The following TDRD9 variants were observed in gnomAD, a reference collection of about 807,000 sequenced individuals.
The protein encoded by TDRD9 is tudor domain containing 9.
Under a neutral mutation model 172.6 loss-of-function variants are expected in TDRD9, and 124 were observed. That is an observed-to-expected ratio of 0.72 (90% CI 0.62 to 0.83). TDRD9 has a LOEUF of 0.83. Among genes scored for constraint, TDRD9 ranks in the 40% least tolerant of loss-of-function variants. TDRD9 has a pLI of 0.00. For missense variants in TDRD9, 1,479 were observed against 1,714.1 expected, an observed-to-expected ratio of 0.86 and a Z score of 2.42; for synonymous variants, 619 against 617.1, an observed-to-expected ratio of 1.00 and a Z score of -0.05.
At chr14:104,037,063 A>C (rs1235628156) in intron 32 of TDRD9, among the ~76,000 whole-genome samples, 1 of 151,930 alleles carries the variant, frequency 6.6e-6, no homozygotes, top group Non-Finnish European at 1.5e-5. Context: ...AGTGAGTAAC[A>C]ACTGTTTTTG....
At chr14:104,012,281 C>A (rs1278287006) in intron 20 of TDRD9, among the ~76,000 whole-genome samples, 1 of 152,222 alleles carries the variant, frequency 6.6e-6, no homozygotes, top group Non-Finnish European at 1.5e-5. Flanking sequence ...GGGTAAGAGT[C>A]CCTGGAGGCT....
intron 1 of TDRD9, among the ~76,000 whole-genome samples, chr14:103,938,736 C>A (rs1334660753): frequency 6.6e-6 from 1 of 151,900 alleles, no homozygotes; most frequent in African/African-American, 2.4e-5. Context: ...CGTGCCCGGC[C>A]CCCCTTTATA....
At chr14:103,976,796 G>C (rs1282797047) in intron 7 of TDRD9, among the ~76,000 whole-genome samples, 1 of 152,158 alleles carries the variant, frequency 6.6e-6, no homozygotes, top group East Asian at 1.9e-4. Context: ...CCTACCAACA[G>C]TATACAAGAG....
At chr14:103,961,198 A>G (rs2032492166) in intron 2 of TDRD9, among the ~76,000 whole-genome samples, 1 of 152,222 alleles carries the variant, frequency 6.6e-6, no homozygotes, top group African/African-American at 2.4e-5. Flanking sequence ...CACTGAGAAG[A>G]GGAATGGAAG....
chr14:104,013,368 C>T (rs2034674249), intron 20 of TDRD9, among the ~76,000 whole-genome samples: 1 of 152,108 alleles, frequency 6.6e-6, no homozygotes, highest in Admixed American at 6.6e-5. Context: ...CCATAGGTCA[C>T]TTACTTTGTT....
chr14:104,012,772 C>T (rs1015720904), intron 20 of TDRD9, among the ~76,000 whole-genome samples: 1 of 152,054 alleles, frequency 6.6e-6, no homozygotes, highest in African/African-American at 2.4e-5. Flanking sequence ...GGGTCTTTGT[C>T]TCCCAGACTG....
At chr14:104,041,519 A>C (rs1446835740) in intron 33 of TDRD9, among the ~76,000 whole-genome samples, 7 of 152,240 alleles carry the variant, frequency 4.6e-5, no homozygotes, top group African/African-American at 1.7e-4. Context: ...GGCACTCTTA[A>C]AACTCAATTA....
chr14:104,028,066 A>G (rs1364383512), intron 28 of TDRD9, among the ~76,000 whole-genome samples: 3 of 152,168 alleles, frequency 2.0e-5, no homozygotes, highest in Non-Finnish European at 4.4e-5. Context: ...TATTCTGTAT[A>G]TACTGCATTT....
At chr14:103,984,551 T>C (rs552168596) in intron 7 of TDRD9, among the ~76,000 whole-genome samples, 1 of 152,292 alleles carries the variant, frequency 6.6e-6, no homozygotes, top group Admixed American at 6.5e-5. Context: ...AAGTCAAGAA[T>C]TGGGGTTTGG....
At position 104,022,189 on chromosome 14, in the gene TDRD9, A is replaced by T. The variant is rs1232948435; in HGVS notation, c.2465A>T (p.Glu822Val). The change falls in exon 24 of 36, where the codon GAG becomes GTG. Residue 822 changes from glutamate to valine, a missense_variant. By Grantham distance (121) the Glu-to-Val change is moderately radical. Transcript: ENST00000409874. ...GTGGAATTCTCACGAAATCCAACAG[A>T]GAGATTTAAAACCCTTCCTGCAGTA... ...AFVEFSRNPT[E>V]RFKTLPAVYM... is the part of the protein sequence containing the mutation. 7.7e-6 allele frequency: 12 copies of T among 1,565,690 alleles called. No homozygotes were observed. Among genetic ancestry groups the T allele is most frequent in the Non-Finnish European group, 1.0e-5 (12 of 1,154,986 alleles).
At chr14:103,941,610 G>A in intron 1 of TDRD9, 1 of 1,535,212 alleles carries the variant, frequency 6.5e-7, no homozygotes, top group South Asian at 1.2e-5. Context: ...CCGAAGCAGA[G>A]TCTTTGTCAC....
chr14:103,942,695 A>G (rs2031310758), intron 1 of TDRD9, among the ~76,000 whole-genome samples: 1 of 152,192 alleles, frequency 6.6e-6, no homozygotes. Flanking sequence ...AAACAGGAAA[A>G]ATAGATTAGA....
rs1555362802 is a variant in TDRD9, at chr14:103,939,744, T to TTTTTTG, written c.215+11025_215+11026insGTTTTT. The TTTTTTG allele has an allele frequency of 2.5e-3, 26 of 10,582 alleles. 1 individual carries two copies. Among genetic ancestry groups the TTTTTTG allele is most frequent in the Non-Finnish European group, 4.8e-3 (18 of 3,726 alleles). The allele number at this position is 10,582 out of a possible 1,614,324, so 0.7% of individuals were successfully genotyped here. On this transcript the variant is annotated intron_variant, in intron 1 of 35. Coordinates refer to ENST00000409874, the MANE Select transcript of TDRD9 (RefSeq NM_153046.3). Reference sequence around the variant, plus strand: ...GTTCTAGTCTTTTTGAAAAAAAGTGTTTTTTTTTTTTTTTTTTTTTGAGAC... The same window carrying TTTTTTG: ...GTTCTAGTCTTTTTGAAAAAAAGTGTTTTTTGTTTTTTTTTTTTTTTTTTTTGAGAC...
intron 34 of TDRD9, 88 bp downstream of exon 34, chr14:104,042,275 A>C: frequency 1.1e-6 from 1 of 879,436 alleles, no homozygotes; most frequent in East Asian, 2.6e-5. Flanking sequence ...TGTGTAGGCA[A>C]TGTGACATAT....
intron 12 of TDRD9, 42 bp downstream of exon 12, chr14:103,995,849 G>A (rs1215903036): frequency 6.5e-7 from 1 of 1,540,984 alleles, no homozygotes; most frequent in Non-Finnish European, 8.8e-7. Context: ...TAGCTGTAGT[G>A]CCATATTTAT....
intron 2 of TDRD9, among the ~76,000 whole-genome samples, chr14:103,959,206 A>G (rs892025242): frequency 6.6e-6 from 1 of 152,116 alleles, no homozygotes; most frequent in Non-Finnish European, 1.5e-5. Flanking sequence ...CCGGACAGGA[A>G]TTGGTGATGC....
chr14:103,981,119 C>G (rs2033458061), intron 7 of TDRD9, among the ~76,000 whole-genome samples: 1 of 152,124 alleles, frequency 6.6e-6, no homozygotes. Context: ...ACCTGGGTGG[C>G]TTGCCGCCCA....
intron 35 of TDRD9, chr14:104,050,039 C>G: frequency 5.1e-6 from 1 of 196,744 alleles, no homozygotes; most frequent in South Asian, 1.3e-4. Flanking sequence ...TCGGGCTGTA[C>G]TGGTTGTTGT....
intron 8 of TDRD9, among the ~76,000 whole-genome samples, chr14:103,988,564 T>G (rs1275012304): frequency 6.6e-6 from 1 of 152,214 alleles, no homozygotes; most frequent in Non-Finnish European, 1.5e-5. Context: ...ATTTTGTCAC[T>G]GATATAGTTG....
Sources: gnomAD v4.1 joint callset for allele counts (sites outside exome capture counted in the v4.1 genomes callset) on GRCh38, gnomAD v4.1.1 for gene constraint, MANE v1.5 for transcripts, NCBI Gene and HGNC (gene_info 2026-07-23, HGNC 2026-07-21) for gene names.